Variants in CNTNAP2 observed in about 807,000 individuals in gnomAD.
CNTNAP2 encodes contactin associated protein 2, also known as contactin-associated protein-like 2.
In CNTNAP2, 98 loss-of-function variants were observed where a neutral mutation model predicts 155.2. The observed-to-expected ratio is 0.63, with a 90% CI of 0.54 to 0.75. The LOEUF (loss-of-function observed/expected upper bound fraction) is 0.75. CNTNAP2 is among the 30% of genes least tolerant of loss of function. The probability of loss-of-function intolerance (pLI) is 0.00; values close to 1 mark genes in which losing one functional copy is unlikely to be tolerated. For synonymous variants in CNTNAP2, 651 were observed against 631.2 expected (o/e 1.03, Z -0.47); for missense variants, 1,727 against 1,688.1 (o/e 1.02, Z -0.40).
intron 1 of CNTNAP2, among the ~76,000 whole-genome samples, chr7:146,485,103 T>G (rs1460678396): frequency 1.3e-5 from 2 of 152,158 alleles, no homozygotes; most frequent in African/African-American, 4.8e-5. Context: ...TTTTCTTAAC[T>G]TTAGGCTTTT....
chr7:148,268,332 G>A (rs770420466), intron 21 of CNTNAP2, among the ~76,000 whole-genome samples: 30 of 152,060 alleles, frequency 2.0e-4, no homozygotes, highest in Non-Finnish European at 3.5e-4. Context: ...GTCACAAAAT[G>A]AGGAGTGAGT....
chr7:146,501,662 T>G (rs183666336), intron 1 of CNTNAP2, among the ~76,000 whole-genome samples: 73 of 152,286 alleles, frequency 4.8e-4, no homozygotes, highest in African/African-American at 1.7e-3. Context: ...ATAGTGGCCT[T>G]GAAAAATATA....
intron 13 of CNTNAP2, among the ~76,000 whole-genome samples, chr7:147,841,891 CTTTT>C (rs1451169584): frequency 1.3e-5 from 2 of 152,054 alleles, no homozygotes; most frequent in African/African-American, 4.8e-5. Context: ...TGTGTACTTT[CTTTT>C]AAGAAATCAC....
intron 1 of CNTNAP2, among the ~76,000 whole-genome samples, chr7:146,221,212 C>T (rs1175869725): frequency 6.6e-6 from 1 of 152,134 alleles, no homozygotes; most frequent in Non-Finnish European, 1.5e-5. Flanking sequence ...CAATATCCTC[C>T]CTTTGTGTCC....
intron 9 of CNTNAP2, among the ~76,000 whole-genome samples, chr7:147,337,956 T>G (rs1225915709): frequency 2.0e-5 from 3 of 152,186 alleles, no homozygotes; most frequent in Non-Finnish European, 4.4e-5. Flanking sequence ...TGACATTTGA[T>G]GGGGCACTGC....
intron 21 of CNTNAP2, among the ~76,000 whole-genome samples, chr7:148,363,896 A>G (rs1204910363): frequency 6.7e-6 from 1 of 150,278 alleles, no homozygotes; most frequent in African/African-American, 2.4e-5. Context: ...TGGGCCCCAC[A>G]CTCTGAGCAG....
intron 1 of CNTNAP2, among the ~76,000 whole-genome samples, chr7:146,389,089 A>G (rs1419837488): frequency 1.3e-5 from 2 of 152,206 alleles, no homozygotes; most frequent in Non-Finnish European, 2.9e-5. Context: ...TACTCATCCT[A>G]TCTGTGGTGA....
chr7:147,357,690 A>G (rs1345840635), intron 9 of CNTNAP2, among the ~76,000 whole-genome samples: 1 of 152,042 alleles, frequency 6.6e-6, no homozygotes, highest in Non-Finnish European at 1.5e-5. Context: ...AGCTTAGCAG[A>G]CTTCCCACTG....
chr7:147,673,734 ATT>A (rs775254894), intron 13 of CNTNAP2, among the ~76,000 whole-genome samples: 34 of 152,276 alleles, frequency 2.2e-4, no homozygotes, highest in Admixed American at 5.9e-4. Flanking sequence ...GGGACATTAG[ATT>A]TTGAGACACA....
chr7:147,976,698 C>A (rs913163688), intron 14 of CNTNAP2, among the ~76,000 whole-genome samples: 2 of 152,092 alleles, frequency 1.3e-5, no homozygotes, highest in African/African-American at 4.8e-5. Flanking sequence ...GTCAGAGGTA[C>A]AAGTAACTGC....
At chr7:148,324,287 G>C (rs1363584460) in intron 21 of CNTNAP2, among the ~76,000 whole-genome samples, 1 of 152,096 alleles carries the variant, frequency 6.6e-6, no homozygotes, top group Non-Finnish European at 1.5e-5. Flanking sequence ...AAAGGGGCCT[G>C]GGCACCCCCT....
intron 13 of CNTNAP2, among the ~76,000 whole-genome samples, chr7:147,877,096 T>C (rs1244338282): frequency 2.0e-5 from 3 of 152,178 alleles, no homozygotes; most frequent in African/African-American, 7.2e-5. Flanking sequence ...TCGGTTATTT[T>C]TGTGGCCACA....
chr7:147,938,797 T>C (rs1010104937), intron 14 of CNTNAP2, among the ~76,000 whole-genome samples: 3 of 152,154 alleles, frequency 2.0e-5, no homozygotes, highest in Non-Finnish European at 4.4e-5. Flanking sequence ...CCTGAGGCTA[T>C]TGTATTTTTC....
intron 14 of CNTNAP2, among the ~76,000 whole-genome samples, chr7:147,912,161 A>G (rs551385194): frequency 3.3e-5 from 5 of 152,314 alleles, no homozygotes; most frequent in African/African-American, 1.2e-4. Context: ...TGGCACTCAC[A>G]GCTACCTCAC....
intron 1 of CNTNAP2, among the ~76,000 whole-genome samples, chr7:146,227,753 C>A (rs184865437): frequency 6.6e-6 from 1 of 152,118 alleles, no homozygotes; most frequent in East Asian, 1.9e-4. Flanking sequence ...AGGGAGAAGG[C>A]AGGCATCCAT....
chr7:147,411,309 T>C (rs372247976), intron 10 of CNTNAP2, among the ~76,000 whole-genome samples: 1 of 152,226 alleles, frequency 6.6e-6, no homozygotes, highest in African/African-American at 2.4e-5. Context: ...AAGTTAGAAC[T>C]TTCCTGGCTC....
At chr7:146,875,314 C>A (rs867001493) in intron 3 of CNTNAP2, among the ~76,000 whole-genome samples, 1 of 152,126 alleles carries the variant, frequency 6.6e-6, no homozygotes, top group Non-Finnish European at 1.5e-5. Flanking sequence ...AAGATTATAT[C>A]TTAGGATCTG....
At chr7:147,103,325 T>C (rs547466480) in intron 4 of CNTNAP2, among the ~76,000 whole-genome samples, 138 of 152,210 alleles carry the variant, frequency 9.1e-4, no homozygotes, top group African/African-American at 3.3e-3. Context: ...AAGTTGGCAG[T>C]CACACTTTTT....
intron 8 of CNTNAP2, among the ~76,000 whole-genome samples, chr7:147,235,223 A>G (rs1159475345): frequency 6.6e-6 from 1 of 152,064 alleles, no homozygotes; most frequent in East Asian, 1.9e-4. Context: ...CTAGTATTAA[A>G]CTATAGGCTT....
Sources: allele counts gnomAD v4.1 joint callset (sites outside exome capture counted in the v4.1 genomes callset), GRCh38; gene constraint gnomAD v4.1.1; transcripts MANE v1.5; gene names NCBI Gene and HGNC (gene_info 2026-07-23, HGNC 2026-07-21).